The following CMTM7 variants were observed in gnomAD, a reference collection of about 807,000 sequenced individuals.
The protein encoded by CMTM7 is CKLF like MARVEL transmembrane domain containing 7.
A neutral mutation model predicts 19.3 loss-of-function variants in CMTM7; 7 were observed. The ratio of observed to expected loss-of-function variants is 0.36; its 90% confidence interval spans 0.21 to 0.68. The LOEUF (loss-of-function observed/expected upper bound fraction) is 0.68, where lower values mean the gene tolerates loss of function less well. Ranked by LOEUF, CMTM7 falls within the 30% of genes least tolerant of loss-of-function variation. The pLI is 0.60. For missense variants in CMTM7, 193 were observed against 232.6 expected, an observed-to-expected ratio of 0.83 and a Z score of 1.11; for synonymous variants, 87 against 99.3, an observed-to-expected ratio of 0.88 and a Z score of 0.74.
chr3:32,439,609 A>G (rs1444408308), intron 1 of CMTM7, among the ~76,000 whole-genome samples: 1 of 152,182 alleles, frequency 6.6e-6, no homozygotes, highest in African/African-American at 2.4e-5. Context: ...GCATGCCACC[A>G]CGCCCAGCTA....
chr3:32,434,844 A>G (rs577858246), intron 1 of CMTM7, among the ~76,000 whole-genome samples: 5 of 152,322 alleles, frequency 3.3e-5, no homozygotes, highest in African/African-American at 1.2e-4. Context: ...AATGGAAGCA[A>G]TAGAAAATTA....
chr3:32,399,721 T>G (rs540189895), intron 1 of CMTM7, among the ~76,000 whole-genome samples: 25 of 152,144 alleles, frequency 1.6e-4, no homozygotes, highest in Non-Finnish European at 3.1e-4. Context: ...AAGTGCAGTC[T>G]GCACACCCAT....
chr3:32,395,366 A>G (rs1695900479), intron 1 of CMTM7, among the ~76,000 whole-genome samples: 1 of 152,242 alleles, frequency 6.6e-6, no homozygotes, highest in South Asian at 2.1e-4. Context: ...ATTACATACT[A>G]TATACCATGT....
At position 32,406,776 on chromosome 3, in the gene CMTM7, A is replaced by G. The variant is rs114774124; in HGVS notation, c.159+14711A>G. 5.6e-3 allele frequency among the ~76,000 whole-genome samples: 849 copies of G among 152,342 alleles called. 8 individuals are homozygous for G. Among genetic ancestry groups the G allele is most frequent in the African/African-American group, 0.019 (794 of 41,582 alleles). On this transcript the variant is annotated intron_variant, in intron 1 of 4. Transcript: ENST00000334983. The stretch of plus-strand genomic sequence containing the variant: ...GGGTAGAAAGAGCAGGACAAAGACG[A>G]GTTTCAGAAGCCCAGCCTCAGCCTG...
At chr3:32,415,322 A>T (rs1258852828) in intron 1 of CMTM7, among the ~76,000 whole-genome samples, 1 of 152,262 alleles carries the variant, frequency 6.6e-6, no homozygotes, top group East Asian at 1.9e-4. Flanking sequence ...ACTGCCATAC[A>T]GATCACAGGC....
intron 2 of CMTM7, among the ~76,000 whole-genome samples, chr3:32,444,209 C>T (rs536511797): frequency 1.3e-5 from 2 of 152,086 alleles, no homozygotes; most frequent in Non-Finnish European, 2.9e-5. Flanking sequence ...GGTATTTGAT[C>T]CATTTTGAGT....
At chr3:32,450,116 T>C (rs1316071275) in intron 3 of CMTM7, among the ~76,000 whole-genome samples, 1 of 152,214 alleles carries the variant, frequency 6.6e-6, no homozygotes, top group East Asian at 1.9e-4. Context: ...TACATATATA[T>C]GTATATACAT....
intron 2 of CMTM7, among the ~76,000 whole-genome samples, chr3:32,448,462 A>G (rs1696783602): frequency 6.6e-6 from 1 of 152,250 alleles, no homozygotes; most frequent in Non-Finnish European, 1.5e-5. Context: ...CTAGATTCTC[A>G]TTGAAGACAA....
intron 1 of CMTM7, among the ~76,000 whole-genome samples, chr3:32,437,376 C>G (rs1278349607): frequency 6.6e-6 from 1 of 152,112 alleles, no homozygotes; most frequent in African/African-American, 2.4e-5. Flanking sequence ...ACGGGTGGAT[C>G]ACTTGAGGTC....
Position 32,393,772 on chromosome 3 carries a change from C to CAA in CMTM7, c.159+1725_159+1726dup, listed in dbSNP as rs34745605. Among the ~76,000 whole-genome samples the CAA allele has an allele frequency of 3.8e-3, 347 of 92,332 alleles. 4 individuals are homozygous for CAA. Among genetic ancestry groups the CAA allele is most frequent in the East Asian group, 0.019 (57 of 2,926 alleles). 60.6% of individuals were successfully genotyped at this position (92,332 alleles called of 152,430 possible). On this transcript the variant is annotated intron_variant, in intron 1 of 4. Transcript: ENST00000334983. ...CTGCGTGACGGAGGGAGGCCTGTCTCAAAAAAAAAAAAAAAAAAAGGTACA... is the reference window on the plus strand; with the variant it reads ...CTGCGTGACGGAGGGAGGCCTGTCTCAAAAAAAAAAAAAAAAAAAAAGGTACA...
intron 1 of CMTM7, among the ~76,000 whole-genome samples, chr3:32,419,376 T>A (rs1696310908): frequency 6.6e-6 from 1 of 152,212 alleles, no homozygotes; most frequent in Non-Finnish European, 1.5e-5. Context: ...ATGCCTCTAT[T>A]TCTTTTTCTT....
At chr3:32,409,159 G>T (rs1696136301) in intron 1 of CMTM7, among the ~76,000 whole-genome samples, 1 of 152,102 alleles carries the variant, frequency 6.6e-6, no homozygotes, top group Admixed American at 6.5e-5. Flanking sequence ...GGGATTACAG[G>T]CATGAGCCAC....
At chr3:32,415,808 C>T (rs1478198793) in intron 1 of CMTM7, among the ~76,000 whole-genome samples, 1 of 152,302 alleles carries the variant, frequency 6.6e-6, no homozygotes, top group East Asian at 1.9e-4. Flanking sequence ...TTTCCTTTTT[C>T]CCTTTGCACA....
intron 1 of CMTM7, among the ~76,000 whole-genome samples, chr3:32,427,780 G>T (rs995969154): frequency 6.6e-6 from 1 of 152,178 alleles, no homozygotes; most frequent in Non-Finnish European, 1.5e-5. Context: ...CATGGGTCAC[G>T]CATGGGAAAG....
At chr3:32,439,249 T>C (rs1696642467) in intron 1 of CMTM7, among the ~76,000 whole-genome samples, 1 of 152,194 alleles carries the variant, frequency 6.6e-6, no homozygotes, top group Non-Finnish European at 1.5e-5. Context: ...GGACTCTTTG[T>C]GTCACAGCCA....
At chr3:32,425,390 G>A (rs1286193297) in intron 1 of CMTM7, among the ~76,000 whole-genome samples, 2 of 151,810 alleles carry the variant, frequency 1.3e-5, no homozygotes, top group East Asian at 1.9e-4. Flanking sequence ...GGAGCCTGTG[G>A]GAAACATGAG....
rs72858832 is a variant in CMTM7, at chr3:32,448,975, A to G, written c.334-479A>G. Among the ~76,000 whole-genome samples the G allele has an allele frequency of 2.5e-3, 383 of 152,346 alleles. 1 individual carries two copies. Among genetic ancestry groups the G allele is most frequent in the African/African-American group, 8.8e-3 (364 of 41,586 alleles). On this transcript the variant is annotated intron_variant, in intron 2 of 4. Coordinates refer to ENST00000334983, the MANE Select transcript of CMTM7 (RefSeq NM_138410.4). Reference sequence around the variant, plus strand: ...GGCTGACACTCCCATCAGTCACACAAGACCAGCACATTGTTAGCCCAGAAC... The same window carrying G: ...GGCTGACACTCCCATCAGTCACACAGGACCAGCACATTGTTAGCCCAGAAC...
At chr3:32,440,773 A>G (rs1409184744) in intron 1 of CMTM7, among the ~76,000 whole-genome samples, 1 of 152,238 alleles carries the variant, frequency 6.6e-6, no homozygotes, top group Non-Finnish European at 1.5e-5. Context: ...GCCAGACTCT[A>G]TCTCAGAAAA....
At chr3:32,392,678 G>A (rs1349334905) in intron 1 of CMTM7, among the ~76,000 whole-genome samples, 5 of 152,228 alleles carry the variant, frequency 3.3e-5, no homozygotes, top group East Asian at 1.9e-4. Context: ...CCGGGTCTCA[G>A]GGGGCTCTGG....
Sources: gnomAD v4.1 joint callset for allele counts (sites outside exome capture counted in the v4.1 genomes callset) on GRCh38, gnomAD v4.1.1 for gene constraint, MANE v1.5 for transcripts, NCBI Gene and HGNC (gene_info 2026-07-23, HGNC 2026-07-21) for gene names.